SLC38A9: variants seen among roughly 807,000 people sequenced by gnomAD.
SLC38A9 encodes neutral amino acid transporter 9.
Under a neutral mutation model 62.3 loss-of-function variants are expected in SLC38A9, and 48 were observed. The observed-to-expected ratio is 0.77, with a 90% CI of 0.61 to 0.98. The LOEUF (loss-of-function observed/expected upper bound fraction) is 0.98. Ranked by LOEUF, SLC38A9 falls within the 50% of genes least tolerant of loss-of-function variation. SLC38A9 has a pLI of 0.00. For missense variants in SLC38A9, 541 were observed against 679.8 expected (o/e 0.80, Z 2.27); for synonymous variants, 204 against 227.7 (o/e 0.90, Z 0.94).
chr5:55,685,639 T>A (rs1433789063), intron 3 of SLC38A9, among the ~76,000 whole-genome samples: 1 of 152,208 alleles, frequency 6.6e-6, no homozygotes, highest in African/African-American at 2.4e-5. Flanking sequence ...TTTTTAACTT[T>A]TAAGTTCAGG....
chr5:55,639,602 C>T (rs58686886), intron 12 of SLC38A9, among the ~76,000 whole-genome samples: 1 of 152,090 alleles, frequency 6.6e-6, no homozygotes, highest in African/African-American at 2.4e-5. Context: ...TGACTTTAAT[C>T]TCAAGAAAAT....
rs1465444350 is a variant in SLC38A9, at chr5:55,645,793, T to C, written c.1163A>G (p.Asn388Ser). ...ATTCCAAAGATAATTACTCACATTG[T>C]TTTCTTGTTTCTTGTTGTTCTTCAA... The part of the protein sequence containing the change: ...TLLKNNKKQE[N>S]NVRDLCIAYM... Residue 388 changes from asparagine to serine, a missense_variant, in exon 12 of 16, where the codon AAC becomes AGC. Asn to Ser is a conservative substitution (Grantham distance 46, BLOSUM62 1). Coordinates refer to ENST00000396865, the MANE Select transcript of SLC38A9 (RefSeq NM_173514.4). The C allele has an allele frequency of 1.9e-6, 3 of 1,597,620 alleles. No homozygotes were observed. The highest frequency in any genetic ancestry group is 2.6e-6 in the Non-Finnish European group (3 of 1,169,156).
intron 8 of SLC38A9, 85 bp downstream of exon 8, chr5:55,664,608 C>A: frequency 1.4e-6 from 1 of 713,938 alleles, no homozygotes; most frequent in Non-Finnish European, 2.1e-6. Context: ...TATCCCAAGT[C>A]CTAGAATTTA....
intron 3 of SLC38A9, among the ~76,000 whole-genome samples, chr5:55,678,340 T>G (rs906848161): frequency 6.6e-6 from 1 of 151,978 alleles, no homozygotes; most frequent in Non-Finnish European, 1.5e-5. Context: ...TTTCACTATG[T>G]TGGCCAGGCT....
At position 55,678,636 on chromosome 5, in the gene SLC38A9, T is replaced by C. The variant is rs1259175841; in HGVS notation, c.114-5941A>G. 2.2e-5 allele frequency among the ~76,000 whole-genome samples: 3 copies of C among 136,806 alleles called. 1 individual carries two copies. The highest frequency in any genetic ancestry group is 7.9e-5 in the African/African-American group (3 of 37,978). The allele number at this position is 136,806 out of a possible 152,430, so 89.8% of individuals were successfully genotyped here. ...ATCACATGTAATTGTTGGATAAGACTGAAATGAACTTTTTTTTTTTTTTTT... is the reference window on the plus strand; with the variant it reads ...ATCACATGTAATTGTTGGATAAGACCGAAATGAACTTTTTTTTTTTTTTTT... On this transcript the variant is annotated intron_variant, in intron 3 of 15. Coordinates refer to ENST00000396865, the MANE Select transcript of SLC38A9 (RefSeq NM_173514.4).
intron 3 of SLC38A9, among the ~76,000 whole-genome samples, chr5:55,693,762 T>C (rs7713789): frequency 0.6 from 90,884 of 151,692 alleles, 27,782 homozygotes; most frequent in South Asian, 0.7. Flanking sequence ...TCTAGAACAC[T>C]TTTTCATCAC....
rs1463408008 is a variant in SLC38A9 at position 55,626,512 on chromosome 5, A to T, written c.1668T>A (p.Ile556=). Residue 556 remains isoleucine (I), a synonymous_variant, in exon 16 of 16, where the codon ATT becomes ATA. Transcript: ENST00000396865. The stretch of plus-strand genomic sequence containing the variant: ...AGGTATTTCACATAAAAAACTGAAC[A>T]ATCAGGTTAGCCACGCCCAAAATGA... ...FIIILGVANL[I]VQFFM 6.2e-7 allele frequency: 1 copy of T among 1,611,752 alleles called. No individual in the cohort carries two copies. The highest frequency in any genetic ancestry group is 2.2e-5 in the East Asian group (1 of 44,866).
At chr5:55,646,029 A>T in intron 11 of SLC38A9, 134 bp from the exon 12 acceptor site, 2 of 624,416 alleles carry the variant, frequency 3.2e-6, no homozygotes, top group South Asian at 4.1e-5. Flanking sequence ...GTCTTTACAA[A>T]GTTCCTCGAG....
At chr5:55,699,612 T>G (rs895083737) in intron 2 of SLC38A9, among the ~76,000 whole-genome samples, 3 of 151,818 alleles carry the variant, frequency 2.0e-5, no homozygotes, top group Non-Finnish European at 2.9e-5. Context: ...CAAAAATCAA[T>G]GAAATAAAAA....
intron 7 of SLC38A9, among the ~76,000 whole-genome samples, chr5:55,666,575 C>T (rs1750495001): frequency 6.8e-6 from 1 of 146,610 alleles, no homozygotes; most frequent in Admixed American, 7.0e-5. Flanking sequence ...AGATAAAGAA[C>T]ATGAGGACAA....
chr5:55,657,802 A>T (rs1580203910), intron 8 of SLC38A9, among the ~76,000 whole-genome samples: 1 of 152,234 alleles, frequency 6.6e-6, no homozygotes, highest in East Asian at 1.9e-4. Flanking sequence ...TTAAGGTCAT[A>T]AAAGTAAGTT....
At chr5:55,704,548 T>G (rs1757053486) in intron 2 of SLC38A9, 1 of 118,014 alleles carries the variant, frequency 8.5e-6, no homozygotes, top group South Asian at 3.3e-4. Flanking sequence ...TTTTTGAACT[T>G]AACGAAGGTT....
intron 13 of SLC38A9, chr5:55,635,293 C>T: frequency 1.9e-6 from 1 of 521,050 alleles, no homozygotes; most frequent in Non-Finnish European, 3.5e-6. Flanking sequence ...AGGTGCCTGG[C>T]ATGTAGTACA....
At chr5:55,669,641 C>T in intron 5 of SLC38A9, 21 bp from the exon 6 acceptor site, 2 of 1,599,286 alleles carry the variant, frequency 1.3e-6, no homozygotes, top group Non-Finnish European at 1.7e-6. Flanking sequence ...AGAGTAATAG[C>T]AGTAAAAAAA....
At chr5:55,661,728 C>T (rs1405260344) in intron 8 of SLC38A9, among the ~76,000 whole-genome samples, 1 of 151,936 alleles carries the variant, frequency 6.6e-6, no homozygotes, top group African/African-American at 2.4e-5. Flanking sequence ...TTGAATAACA[C>T]AGAGCTACCA....
At chr5:55,708,117 T>C (rs1757532019) in intron 2 of SLC38A9, among the ~76,000 whole-genome samples, 1 of 152,216 alleles carries the variant, frequency 6.6e-6, no homozygotes, top group South Asian at 2.1e-4. Flanking sequence ...TAGGTCCCAG[T>C]AGGGAATGAA....
intron 14 of SLC38A9, among the ~76,000 whole-genome samples, chr5:55,629,064 C>T (rs772110559): frequency 1.7e-4 from 26 of 152,202 alleles, no homozygotes; most frequent in Non-Finnish European, 3.1e-4. Context: ...TTACTGTTTA[C>T]CCAGAAACTC....
At chr5:55,664,008 T>A (rs180805702) in intron 8 of SLC38A9, among the ~76,000 whole-genome samples, 43 of 152,178 alleles carry the variant, frequency 2.8e-4, no homozygotes, top group African/African-American at 9.9e-4. Flanking sequence ...AGGTTTGGTA[T>A]CTTTTACAAT....
chr5:55,705,584 C>A (rs957119819), intron 2 of SLC38A9, among the ~76,000 whole-genome samples: 2 of 152,070 alleles, frequency 1.3e-5, no homozygotes, highest in Non-Finnish European at 2.9e-5. Flanking sequence ...TTCCAGTATA[C>A]TCTGATGTCT....
Sources: allele counts gnomAD v4.1 joint callset (sites outside exome capture counted in the v4.1 genomes callset), GRCh38; gene constraint gnomAD v4.1.1; transcripts MANE v1.5; gene names NCBI Gene and HGNC (gene_info 2026-07-23, HGNC 2026-07-21).